The following TENM2 variants were observed in gnomAD, a reference collection of about 807,000 sequenced individuals.
TENM2 encodes teneurin-2.
TENM2 carries 52 observed loss-of-function variants against 245.2 expected under a neutral mutation model. That is an observed-to-expected ratio of 0.21 (90% CI 0.17 to 0.27). The LOEUF (loss-of-function observed/expected upper bound fraction) is 0.27. Ranked by LOEUF, TENM2 falls within the 10% of genes least tolerant of loss-of-function variation. The pLI is 1.00. For missense variants in TENM2, 3,046 were observed against 3,666.8 expected, an observed-to-expected ratio of 0.83 and a Z score of 4.37; for synonymous variants, 1,363 against 1,438.9, an observed-to-expected ratio of 0.95 and a Z score of 1.19.
intron 5 of TENM2, 85 bp from the exon 8 acceptor site, chr5:168,047,342 T>A: frequency 6.7e-7 from 1 of 1,493,938 alleles, no homozygotes. Flanking sequence ...GGCAATCGCT[T>A]GGAAAAGGGC....
chr5:167,923,553 C>G (rs1004183458), intron 3 of TENM2, among the ~76,000 whole-genome samples: 7 of 152,100 alleles, frequency 4.6e-5, no homozygotes, highest in African/African-American at 1.7e-4. Flanking sequence ...AGAATTATGT[C>G]CCCAGGGGAT....
At chr5:167,536,735 G>C (rs897391442) in intron 2 of TENM2, among the ~76,000 whole-genome samples, 48 of 152,316 alleles carry the variant, frequency 3.2e-4, no homozygotes, top group African/African-American at 1.2e-3. Context: ...TAGATGTCCA[G>C]GTCAGGTACA....
chr5:166,987,011 A>G, the TENM2 span, among the ~76,000 whole-genome samples: 1 of 152,216 alleles, frequency 6.6e-6, no homozygotes, highest in East Asian at 1.9e-4. Context: ...TTCATTGCAG[A>G]AGCCAAACAG....
chr5:168,247,778 A>G lies in TENM2; in HGVS notation c.6839A>G (p.Tyr2280Cys). The G allele has an allele frequency of 6.2e-7, 1 of 1,613,954 alleles. No individual in the cohort carries two copies. Among genetic ancestry groups the G allele is most frequent in the Non-Finnish European group, 8.5e-7 (1 of 1,179,886 alleles). The change falls in exon 27 of 29, where the codon TAC becomes TGC. Residue 2280 changes from tyrosine to cysteine, a missense_variant. Physicochemically the swap from Tyr to Cys is radical, Grantham distance 194. Transcript: ENST00000518659. This position sits in a 1 kb window ranked among gnomAD's most constrained non-coding sequence, Gnocchi z 7.8. The stretch of plus-strand genomic sequence containing the variant: ...CAGAGAGGGTCTGACATCTTCGAAT[A>G]CAATTCCAAGGGCCTCCTAACAAGA...
chr5:167,407,281 T>C (rs1004756871), intron 2 of TENM2, among the ~76,000 whole-genome samples: 1 of 152,128 alleles, frequency 6.6e-6, no homozygotes, highest in African/African-American at 2.4e-5. Context: ...ACTGGGTATA[T>C]GCTGGTTATA....
At chr5:167,776,617 A>AAAAAAAAAAAAAAAAAAC (rs1763812509) in intron 2 of TENM2, among the ~76,000 whole-genome samples, 1 of 99,422 alleles carries the variant, frequency 1.0e-5, no homozygotes, top group African/African-American at 4.4e-5. Flanking sequence ...AAAAAAAAAA[A>AAAAAAAAAAAAAAAAAAC]AAAAAAAAAC....
chr5:168,102,973 G>C (rs1793941091), intron 9 of TENM2, among the ~76,000 whole-genome samples: 2 of 152,038 alleles, frequency 1.3e-5, no homozygotes, highest in Admixed American at 1.3e-4. Flanking sequence ...TTGGTGTGCT[G>C]CACCCATTAA....
At chr5:168,112,606 C>CGGAG (rs1554199700) in intron 9 of TENM2, among the ~76,000 whole-genome samples, 6 of 64,114 alleles carry the variant, frequency 9.4e-5, no homozygotes, top group Non-Finnish European at 1.3e-4. Context: ...GTGCAGTGGG[C>CGGAG]GGGGGGGGGG....
intron 2 of TENM2, among the ~76,000 whole-genome samples, chr5:167,531,605 G>A (rs1436148181): frequency 6.6e-6 from 1 of 151,740 alleles, no homozygotes; most frequent in Non-Finnish European, 1.5e-5. Flanking sequence ...CTCTCTAACT[G>A]AAACTTTGTA....
intron 2 of TENM2, among the ~76,000 whole-genome samples, chr5:167,796,412 C>A (rs545380430): frequency 6.6e-6 from 1 of 152,132 alleles, no homozygotes; most frequent in East Asian, 1.9e-4. Context: ...TTCTGCAAAT[C>A]GCTGTGGGTC....
intron 3 of TENM2, among the ~76,000 whole-genome samples, chr5:167,928,913 A>AG (rs1322767566): frequency 2.6e-4 from 35 of 135,370 alleles, no homozygotes; most frequent in Non-Finnish European, 4.5e-4. Context: ...AAAAAAAAAA[A>AG]AAGAAGAAGA....
rs547715049 is a variant in TENM2 at position 168,244,999 on chromosome 5, C to A, written c.5817+283C>A. ...GCCAGGCTGGTCTCGAATTCCTGAC[C>A]TCAGGTGATCGCCCACCTCAGCCTC... On this transcript the variant is annotated intron_variant, in intron 26 of 28. Coordinates refer to ENST00000518659, the Ensembl canonical transcript of TENM2. This position sits in a 1 kb window ranked among gnomAD's most constrained non-coding sequence, Gnocchi z 4.9. Among the ~76,000 whole-genome samples the A allele has an allele frequency of 6.6e-6, 1 of 152,044 alleles. No individual in the cohort carries two copies. The highest frequency in any genetic ancestry group is 2.1e-4 in the South Asian group (1 of 4,818).
chr5:167,722,748 G>C (rs1280169423), intron 2 of TENM2, among the ~76,000 whole-genome samples: 1 of 152,094 alleles, frequency 6.6e-6, no homozygotes, highest in Non-Finnish European at 1.5e-5. Flanking sequence ...CTGCACTCCA[G>C]CCTGGCCATA....
chr5:167,242,813 A>G, the TENM2 span, among the ~76,000 whole-genome samples: 1 of 152,320 alleles, frequency 6.6e-6, no homozygotes, highest in African/African-American at 2.4e-5. Flanking sequence ...TTCAAAAGTA[A>G]TACACAGACT....
intron 2 of TENM2, among the ~76,000 whole-genome samples, chr5:167,475,125 T>A (rs1176229724): frequency 1.3e-5 from 2 of 152,198 alleles, no homozygotes; most frequent in African/African-American, 4.8e-5. Flanking sequence ...TTGAGAAGGA[T>A]TGACCTTATA....
At chr5:167,419,997 G>A (rs1203792192) in intron 2 of TENM2, among the ~76,000 whole-genome samples, 1 of 152,176 alleles carries the variant, frequency 6.6e-6, no homozygotes, top group Non-Finnish European at 1.5e-5. Flanking sequence ...GAATTAAGTT[G>A]AACTTCGAAG....
At chr5:167,016,149 G>C in the TENM2 span, among the ~76,000 whole-genome samples, 1 of 151,836 alleles carries the variant, frequency 6.6e-6, no homozygotes, top group Admixed American at 6.6e-5. Context: ...AGCTGTTCGG[G>C]AGGCTGACAC....
chr5:167,798,480 C>T (rs867672615), intron 2 of TENM2, among the ~76,000 whole-genome samples: 4 of 152,190 alleles, frequency 2.6e-5, no homozygotes, highest in South Asian at 2.1e-4. Context: ...GCATTTCACA[C>T]TGCTCTTTAG....
intron 2 of TENM2, among the ~76,000 whole-genome samples, chr5:167,589,208 A>T (rs2127701716): frequency 6.6e-6 from 1 of 152,016 alleles, no homozygotes; most frequent in African/African-American, 2.4e-5. Flanking sequence ...TCAAAAAAAA[A>T]AAAAAAATTA....
Sources: allele counts gnomAD v4.1 joint callset (sites outside exome capture counted in the v4.1 genomes callset), GRCh38; gene constraint gnomAD v4.1.1; non-coding constraint Gnocchi (gnomAD v3.1); transcripts MANE v1.5; gene names NCBI Gene and HGNC (gene_info 2026-07-23, HGNC 2026-07-21).